ARID1B: variants seen among roughly 807,000 people sequenced by gnomAD.
ARID1B encodes AT-rich interaction domain 1B.
A neutral mutation model predicts 212.3 loss-of-function variants in ARID1B; 30 were observed. The ratio of observed to expected loss-of-function variants is 0.14; its 90% CI spans 0.11 to 0.19. The LOEUF (loss-of-function observed/expected upper bound fraction) is 0.19, where lower values mean the gene tolerates loss of function less well. Ranked by LOEUF, ARID1B falls within the 10% of genes least tolerant of loss-of-function variation. ARID1B has a pLI of 1.00. For missense variants in ARID1B, 2,891 were observed against 3,204.0 expected (o/e 0.90, Z 2.36); for synonymous variants, 1,402 against 1,301.7 (o/e 1.08, Z -1.66).
chr6:156,980,484 A>AAAAACAAAAC (rs55654545), intron 4 of ARID1B, among the ~76,000 whole-genome samples: 28,808 of 151,536 alleles, frequency 0.19, 3,034 homozygotes, highest in East Asian at 0.4. Context: ...CCTACATCTC[A>AAAAACAAAAC]AAAACAAAAC....
intron 4 of ARID1B, among the ~76,000 whole-genome samples, chr6:157,012,957 G>A (rs1583144077): frequency 6.6e-6 from 1 of 152,112 alleles, no homozygotes. Context: ...TCGGCTCACC[G>A]CAACCTCTGC....
intron 4 of ARID1B, among the ~76,000 whole-genome samples, chr6:156,983,747 G>T (rs1236618516): frequency 2.0e-5 from 3 of 152,070 alleles, no homozygotes; most frequent in African/African-American, 7.2e-5. Context: ...TTCTGGTTTG[G>T]TGTCTACAAT....
chr6:156,779,033 G>C lies in ARID1B; in HGVS notation c.1353G>C (p.Leu451=). 8.1e-7 allele frequency: 1 copy of C among 1,236,116 alleles called. No homozygotes were observed. The highest frequency in any genetic ancestry group is 1.0e-6 in the Non-Finnish European group (1 of 995,760). The allele number at this position is 1,236,116 out of a possible 1,614,324, so 76.6% of individuals were successfully genotyped here. Residue 451 remains leucine (L), a synonymous_variant, in exon 1 of 20, where the codon CTG becomes CTC. Coordinates refer to ENST00000636930, the MANE Select transcript of ARID1B (RefSeq NM_001374828.1). ...YGGSSAGYGV[L]SSPRQQGGGM... ...GCTCGTCCGCGGGGTACGGGGTGCTGAGCTCCCCCCGGCAGCAGGGCGGCG... is the reference window on the plus strand; with the variant it reads ...GCTCGTCCGCGGGGTACGGGGTGCTCAGCTCCCCCCGGCAGCAGGGCGGCG...
At chr6:156,958,346 A>G (rs1228810590) in intron 4 of ARID1B, among the ~76,000 whole-genome samples, 1 of 152,214 alleles carries the variant, frequency 6.6e-6, no homozygotes, top group Non-Finnish European at 1.5e-5. Context: ...TATTTGTTTG[A>G]TTCTGTGGCA....
intron 5 of ARID1B, among the ~76,000 whole-genome samples, chr6:157,091,585 C>G (rs1785287901): frequency 6.6e-6 from 1 of 152,154 alleles, no homozygotes; most frequent in South Asian, 2.1e-4. Context: ...AGGAAGGATT[C>G]CAGTGAGAGG....
chr6:157,175,661 TAA>T (rs547899960), intron 11 of ARID1B: 56 of 152,300 alleles, frequency 3.7e-4, no homozygotes, highest in Admixed American at 7.8e-4. Flanking sequence ...ATCTTGAAAT[TAA>T]GTGTTGATTT....
At chr6:156,818,921 T>A (rs963425585) in intron 1 of ARID1B, among the ~76,000 whole-genome samples, 6 of 151,846 alleles carry the variant, frequency 4.0e-5, no homozygotes, top group Admixed American at 3.3e-4. Flanking sequence ...ATAATAATGA[T>A]GATAATAAAA....
At chr6:157,012,638 G>A (rs145460323) in intron 4 of ARID1B, among the ~76,000 whole-genome samples, 1 of 152,300 alleles carries the variant, frequency 6.6e-6, no homozygotes, top group East Asian at 1.9e-4. Context: ...AAGAGACCTA[G>A]GCTTTAGTCT....
intron 1 of ARID1B, among the ~76,000 whole-genome samples, chr6:156,799,179 T>TTAATAATATAGAA (rs1554252269): frequency 6.6e-6 from 1 of 152,146 alleles, no homozygotes; most frequent in African/African-American, 2.4e-5. Context: ...TATTGAATAA[T>TTAATAATATAGAA]TAATAATATA....
chr6:156,963,752 A>G (rs1794556293), intron 4 of ARID1B, among the ~76,000 whole-genome samples: 1 of 152,206 alleles, frequency 6.6e-6, no homozygotes, highest in Admixed American at 6.6e-5. Flanking sequence ...TTCTCCTCTC[A>G]GTATATTTAT....
At chr6:156,930,625 G>A (rs919860210) in intron 3 of ARID1B, among the ~76,000 whole-genome samples, 7 of 152,100 alleles carry the variant, frequency 4.6e-5, no homozygotes, top group African/African-American at 4.8e-5. Context: ...TATGAAGAAC[G>A]GAAGACTGGA....
At chr6:156,943,035 A>G (rs1057050876) in intron 4 of ARID1B, 2 of 152,294 alleles carry the variant, frequency 1.3e-5, no homozygotes, top group Middle Eastern at 3.4e-3. Flanking sequence ...GTTAACTGTC[A>G]GTTTAGGAGA....
At chr6:157,065,283 A>G (rs1783598837) in intron 4 of ARID1B, among the ~76,000 whole-genome samples, 1 of 152,214 alleles carries the variant, frequency 6.6e-6, no homozygotes, top group Admixed American at 6.5e-5. Flanking sequence ...GTAAGGTAAA[A>G]TTGCCTCTCT....
intron 4 of ARID1B, among the ~76,000 whole-genome samples, chr6:156,960,304 A>T (rs1040470890): frequency 6.6e-6 from 1 of 152,134 alleles, no homozygotes. Flanking sequence ...GGCTGTGTAC[A>T]TATGTCCTGC....
In ARID1B at chr6:156,829,386, G is replaced by A. The variant is rs765362265; in HGVS notation, c.1951G>A (p.Gly651Arg). 3.1e-5 allele frequency: 50 copies of A among 1,614,010 alleles called. No individual in the cohort carries two copies. Among genetic ancestry groups the A allele is most frequent in the Admixed American group, 5.0e-5 (3 of 60,008 alleles). The change falls in exon 2 of 20, where the codon GGG (glycine) becomes AGG (arginine). Residue 651 changes from glycine to arginine, a missense_variant. By Grantham distance (125) the Gly-to-Arg change is moderately radical (BLOSUM62 -2). This residue lies in a region of ARID1B where 1,643 missense variants were observed against 1,544.0 expected (regional missense o/e 1.06). Coordinates refer to ENST00000636930, the MANE Select transcript of ARID1B (RefSeq NM_001374828.1). ...AATTGGCATCCAGGGTCGGACTCCC[G>A]GGGCCATGGCCGGAATGCAGTACCC... ...YPIGIQGRTPGAMAGMQYPQQ... is the reference protein window; with the variant it reads ...YPIGIQGRTPRAMAGMQYPQQ...
intron 4 of ARID1B, chr6:156,985,570 G>A (rs189636141): frequency 6.6e-6 from 1 of 152,200 alleles, no homozygotes; most frequent in East Asian, 1.9e-4. Flanking sequence ...ATATTACATT[G>A]GCTGTTTATT....
intron 2 of ARID1B, among the ~76,000 whole-genome samples, chr6:156,888,724 A>G (rs1787706690): frequency 6.6e-6 from 1 of 152,096 alleles, no homozygotes; most frequent in African/African-American, 2.4e-5. Context: ...ATTTTCTAGG[A>G]AAGTGTTGCT....
At chr6:157,168,357 C>T (rs140777944) in intron 9 of ARID1B, 34 of 152,270 alleles carry the variant, frequency 2.2e-4, no homozygotes, top group Middle Eastern at 6.8e-3. Flanking sequence ...CCTGATGCTG[C>T]GTTGAGTGCT....
At chr6:156,813,416 C>G (rs1252192411) in intron 1 of ARID1B, among the ~76,000 whole-genome samples, 2 of 151,980 alleles carry the variant, frequency 1.3e-5, no homozygotes, top group African/African-American at 4.8e-5. Context: ...CTCAGGCTAT[C>G]CTGGGTGTGT....
Sources: gnomAD v4.1 joint callset for allele counts (sites outside exome capture counted in the v4.1 genomes callset) on GRCh38, gnomAD v4.1.1 for gene constraint, gnomAD v4.1.1 regional missense constraint, MANE v1.5 for transcripts, NCBI Gene and HGNC (gene_info 2026-07-23, HGNC 2026-07-21) for gene names.